BRF1: variants seen among roughly 807,000 people sequenced by gnomAD.
BRF1 encodes the protein BRF1 general transcription factor IIIB subunit, also known as transcription factor IIIB 90 kDa subunit.
Under a neutral mutation model 81.7 loss-of-function variants are expected in BRF1, and 59 were observed. The ratio of observed to expected loss-of-function variants is 0.72; its 90% confidence interval spans 0.59 to 0.90. The LOEUF is 0.90. Ranked by LOEUF, BRF1 falls within the 40% of genes least tolerant of loss-of-function variation. The pLI, the probability that BRF1 is intolerant of heterozygous loss-of-function variation, is 0.00. For missense variants in BRF1, 1,050 were observed against 936.3 expected (o/e 1.12, Z -1.58); for synonymous variants, 491 against 395.6 (o/e 1.24, Z -2.86).
At chr14:105,255,440 C>T (rs774937931) in intron 4 of BRF1, among the ~76,000 whole-genome samples, 34 of 152,246 alleles carry the variant, frequency 2.2e-4, no homozygotes, top group Non-Finnish European at 3.4e-4. Context: ...TGGGCTGCTG[C>T]CAAAGGCGGA....
chr14:105,244,550 G>A (rs774515561), intron 5 of BRF1, among the ~76,000 whole-genome samples: 64 of 152,168 alleles, frequency 4.2e-4, no homozygotes, highest in Non-Finnish European at 7.9e-4. Flanking sequence ...GGGCAAACGC[G>A]GAGTGGCAGA....
intron 7 of BRF1, 152 bp from the exon 8 acceptor site, chr14:105,226,912 C>CA: frequency 4.7e-6 from 5 of 1,066,080 alleles, no homozygotes; most frequent in Non-Finnish European, 6.7e-6. Context: ...ACTTTGAGAC[C>CA]AGCCTAGGCA....
At position 105,211,188 on chromosome 14, in the gene BRF1, C is replaced by A; in HGVS notation, c.1930G>T (p.Glu644Ter). ...CCGTCCTCCTCGTCAGGCTCCTCCT[C>A]GTCAGCCTCCTCGTCGGCGTGGTAT... ...VSYHADEEAD[E>*]EEPDEEDGEP... The change falls in exon 17 of 18, where the codon GAG (glutamate) becomes TAG (stop). Residue 644 changes from glutamate (E) to a stop codon, truncating the protein, a stop_gained. Transcript: ENST00000547530. LOFTEE classifies it high-confidence loss of function. The A allele has an allele frequency of 6.2e-7, 1 of 1,612,356 alleles. No homozygotes were observed. Among genetic ancestry groups the A allele is most frequent in the South Asian group, 1.1e-5 (1 of 91,080 alleles).
rs1358615565 is a variant in BRF1 at position 105,209,876 on chromosome 14, C to T, written c.*675G>A. 7 of 452,146 alleles carry T rather than the reference C, an allele frequency of 1.5e-5. No homozygotes were observed. The highest frequency in any genetic ancestry group is 2.7e-5 in the Non-Finnish European group (7 of 257,656). The allele number at this position is 452,146 out of a possible 1,614,324, so 28.0% of individuals were successfully genotyped here. A position where few individuals can be genotyped will look rare whatever the true frequency, so the allele number is the denominator to read the frequency against. On this transcript the variant is annotated 3_prime_UTR_variant, in exon 18 of 18. Transcript: ENST00000547530. The stretch of plus-strand genomic sequence containing the variant: ...AAGTGGCCCTGGAGCAGGGGTCTGA[C>T]CCCCATGCTGCTCCAGGCGGTGCAG...
At chr14:105,256,883 C>A (rs2055903770) in intron 3 of BRF1, among the ~76,000 whole-genome samples, 2 of 152,152 alleles carry the variant, frequency 1.3e-5, no homozygotes, top group Admixed American at 1.3e-4. Context: ...CCCCACACAC[C>A]CGCCTGCCCA....
intron 1 of BRF1, among the ~76,000 whole-genome samples, chr14:105,291,141 A>G (rs1056032586): frequency 6.6e-6 from 1 of 152,172 alleles, no homozygotes; most frequent in Admixed American, 6.5e-5. Context: ...CCTGGCCAAG[A>G]CTGCCCCCCT....
At chr14:105,249,096 G>GCCCCGCGGC (rs1334762642) in intron 5 of BRF1, 12 of 1,485,160 alleles carry the variant, frequency 8.1e-6, no homozygotes, top group South Asian at 1.3e-5. Context: ...GTGAGCCCGT[G>GCCCCGCGGC]CCCCGCGGCC....
intron 3 of BRF1, among the ~76,000 whole-genome samples, chr14:105,261,287 G>A (rs1489658325): frequency 2.0e-5 from 3 of 152,238 alleles, no homozygotes. Flanking sequence ...ACATTCCTGA[G>A]TGCGGCAGAG....
At position 105,254,559 on chromosome 14, in the gene BRF1, A is replaced by G. The variant is rs961642663; in HGVS notation, c.471+1959T>C. Among the ~76,000 whole-genome samples the G allele has an allele frequency of 4.1e-5, 6 of 144,756 alleles. No homozygotes were observed. The East Asian group carries it at 8.3e-4, about 20-fold the overall frequency. The allele number at this position is 144,756 out of a possible 152,430, so 95.0% of individuals were successfully genotyped here. On this transcript the variant is annotated intron_variant, in intron 4 of 17. Transcript: ENST00000547530. ...GGAGTGAGCCACCGCACCTGGCCGC[A>G]GTTTTTTGTTTGTTTTCTTGAGACA...
At position 105,220,035 on chromosome 14, in the gene BRF1, C is replaced by T. The variant is rs746956644; in HGVS notation, c.1377+34G>A. 2.5e-6 allele frequency: 4 copies of T among 1,608,288 alleles called. No homozygotes were observed. The South Asian group carries it at 3.3e-5, about 13-fold the overall frequency. On this transcript the variant is annotated intron_variant, in intron 12 of 17. Transcript: ENST00000547530. ...CTTGGGCTGCAGCGCCCTCCCAAGC[C>T]CAGCCCCTCTTGGGAAGGGGTGCTG...
upstream of BRF1, among the ~76,000 whole-genome samples, chr14:105,305,989 C>T (rs1160080161): frequency 1.3e-5 from 2 of 152,258 alleles, no homozygotes; most frequent in African/African-American, 4.8e-5. Context: ...TGCCCCTAGA[C>T]CTGACTCCAG....
At chr14:105,272,981 T>A in intron 2 of BRF1, 87 bp from the exon 3 acceptor site, 1 of 1,399,796 alleles carries the variant, frequency 7.1e-7, no homozygotes. Context: ...ACTTTAAGAA[T>A]ATAGATTTGT....
In BRF1 at chr14:105,247,753, C is replaced by T. The variant is rs866729383; in HGVS notation, c.544+4754G>A. 3.0e-6 allele frequency: 3 copies of T among 985,520 alleles called. No individual in the cohort carries two copies. The South Asian group carries it at 1.4e-4, about 46-fold the overall frequency. 61.0% of individuals were successfully genotyped at this position (985,520 alleles called of 1,614,324 possible). A position where few individuals can be genotyped will look rare whatever the true frequency, so the allele number is the denominator to read the frequency against. On this transcript the variant is annotated intron_variant, in intron 5 of 17. Transcript: ENST00000547530. Reference sequence around the variant, plus strand: ...TTGCGTGTGTGTCCTCGGGGAGGAACCCTCCTGACAGCCAGGCCTCTGGAG... The same window carrying T: ...TTGCGTGTGTGTCCTCGGGGAGGAATCCTCCTGACAGCCAGGCCTCTGGAG...
At chr14:105,245,381 T>C (rs1040612411) in intron 5 of BRF1, among the ~76,000 whole-genome samples, 4 of 151,356 alleles carry the variant, frequency 2.6e-5, no homozygotes, top group Admixed American at 6.6e-5. Context: ...AATAAATAAA[T>C]AAAGGAAGCA....
rs749675866 is a variant in BRF1 at position 105,228,799 on chromosome 14, C to T, written c.788+21G>A. 5.0e-6 allele frequency: 8 copies of T among 1,613,048 alleles called. No individual in the cohort carries two copies. The Admixed American group carries it at 5.0e-5, about 10-fold the overall frequency. ...ATGAAGCCTCTGTGTGGTCCCCATG[C>T]CATGAATGAGAGCCCCTCACCTCTT... On this transcript the variant is annotated intron_variant, in intron 7 of 17. Transcript: ENST00000547530.
intron 4 of BRF1, 79 bp from the exon 5 acceptor site, chr14:105,252,658 C>G (rs2055675907): frequency 6.9e-7 from 1 of 1,453,348 alleles, no homozygotes; most frequent in Non-Finnish European, 9.4e-7. Context: ...AAATGCATCT[C>G]TTGTGCAGTC....
Position 105,210,422 on chromosome 14 carries a change from G to A in BRF1, c.*129C>T, listed in dbSNP as rs1889929028. Reference sequence around the variant, plus strand: ...AGTTCCACATGGGACGAGGGCTGTGGGACAGGTGCCACCTGTCACCAGGAG... The same window carrying A: ...AGTTCCACATGGGACGAGGGCTGTGAGACAGGTGCCACCTGTCACCAGGAG... On this transcript the variant is annotated 3_prime_UTR_variant, in exon 18 of 18. Transcript: ENST00000547530. This position sits in a 1 kb window ranked among gnomAD's most constrained non-coding sequence, Gnocchi z 4.7. 1 of 978,848 alleles carries A rather than the reference G, an allele frequency of 1.0e-6. No homozygotes were observed. Among genetic ancestry groups the A allele is most frequent in the Non-Finnish European group, 1.5e-6 (1 of 653,136 alleles). The allele number at this position is 978,848 out of a possible 1,614,324, so 60.6% of individuals were successfully genotyped here.
At chr14:105,229,445 C>G (rs1241289898) in intron 6 of BRF1, among the ~76,000 whole-genome samples, 1 of 152,240 alleles carries the variant, frequency 6.6e-6, no homozygotes. Context: ...GTAGAGTGGA[C>G]TCTGTGGGCA....
intron 1 of BRF1, among the ~76,000 whole-genome samples, chr14:105,297,928 G>A (rs1382969356): frequency 6.6e-5 from 10 of 152,180 alleles, no homozygotes; most frequent in East Asian, 1.9e-4. Flanking sequence ...GCCAGGAGGC[G>A]GAGCTTGCAG....
Sources: allele counts gnomAD v4.1 joint callset (sites outside exome capture counted in the v4.1 genomes callset), GRCh38; gene constraint gnomAD v4.1.1; non-coding constraint Gnocchi (gnomAD v3.1); transcripts MANE v1.5; gene names NCBI Gene and HGNC (gene_info 2026-07-23, HGNC 2026-07-21).